Variants in ZNF90 observed in about 807,000 individuals in gnomAD.
ZNF90 encodes the protein zinc finger protein 90.
Under a neutral mutation model 12.0 loss-of-function variants are expected in ZNF90, and 11 were observed. That is an observed-to-expected ratio of 0.92 (90% CI 0.58 to 1.52). ZNF90 has a LOEUF of 1.52. Among genes scored for constraint, ZNF90 ranks in the 40% most tolerant of loss-of-function variants. The pLI, the probability that ZNF90 is intolerant of heterozygous loss-of-function variation, is 0.00. For synonymous variants in ZNF90, 232 were observed against 240.1 expected, an observed-to-expected ratio of 0.97 and a Z score of 0.31; for missense variants, 765 against 711.5, an observed-to-expected ratio of 1.08 and a Z score of -0.86.
At chr19:20,108,731 C>CTCTT (rs1555704699) in intron 3 of ZNF90, among the ~76,000 whole-genome samples, 2 of 119,942 alleles carry the variant, frequency 1.7e-5, no homozygotes, top group African/African-American at 6.3e-5. Context: ...GTAGGTTTCT[C>CTCTT]TTTTTTTTTT....
At chr19:20,079,908 G>A (rs1599637301) in intron 1 of ZNF90, 2 of 419,804 alleles carry the variant, frequency 4.8e-6, no homozygotes, top group Non-Finnish European at 4.7e-6. Flanking sequence ...GCTGATTTTG[G>A]CATTCTTTTT....
At chr19:20,100,016 C>T (rs1417110383) in intron 1 of ZNF90, among the ~76,000 whole-genome samples, 8 of 152,136 alleles carry the variant, frequency 5.3e-5, no homozygotes, top group African/African-American at 9.6e-5. Context: ...AACCGCCAAG[C>T]GGATACTGAA....
chr19:20,107,153 T>C (rs1555704581), intron 3 of ZNF90: 4 of 379,732 alleles, frequency 1.1e-5, no homozygotes, highest in Non-Finnish European at 2.1e-5. Flanking sequence ...TGACACTGAG[T>C]CATTGAACCG....
chr19:20,107,007 C>T (rs976816745), intron 3 of ZNF90: 7 of 454,352 alleles, frequency 1.5e-5, no homozygotes, highest in African/African-American at 4.0e-5. Context: ...TTTTTGCAGT[C>T]GGGTCTGCAT....
chr19:20,078,127 C>G lies in ZNF90; in HGVS notation c.-6C>G. ...CCACAGCTGAGGGACCCCCGGAAGC[C>G]TAGAAATGGTGAGAGTGCCTTTCCA... On this transcript the variant is annotated 5_prime_UTR_variant, in exon 1 of 4. Coordinates refer to ENST00000418063, the MANE Select transcript of ZNF90 (RefSeq NM_007138.2). 6.2e-7 allele frequency: 1 copy of G among 1,614,102 alleles called. No individual in the cohort carries two copies. The highest frequency in any genetic ancestry group is 8.5e-7 in the Non-Finnish European group (1 of 1,180,022).
At chr19:20,086,232 CTTT>C (rs59433953) in intron 1 of ZNF90, among the ~76,000 whole-genome samples, 3,540 of 99,802 alleles carry the variant, frequency 0.035, 38 homozygotes, top group African/African-American at 0.084. Flanking sequence ...ATTTTCTTTT[CTTT>C]TTTTTTTTTT....
At chr19:20,109,021 C>A (rs1263455902) in intron 3 of ZNF90, among the ~76,000 whole-genome samples, 1 of 152,162 alleles carries the variant, frequency 6.6e-6, no homozygotes, top group East Asian at 1.9e-4. Context: ...CCGTGCCCGG[C>A]TTCAGTGTAG....
In ZNF90 at chr19:20,106,678, C is replaced by T. The variant is rs184266667; in HGVS notation, c.226+1362C>T. On this transcript the variant is annotated intron_variant, in intron 3 of 3. Coordinates refer to ENST00000418063, the MANE Select transcript of ZNF90 (RefSeq NM_007138.2). Reference sequence around the variant, plus strand: ...CCGTGTTAGCCTGGATGGTCTCGATCTTCTGACCTCGTGATCCACCCGCCT... The same window carrying T: ...CCGTGTTAGCCTGGATGGTCTCGATTTTCTGACCTCGTGATCCACCCGCCT... Among the ~76,000 whole-genome samples, 14 of 152,344 alleles carry T rather than the reference C, an allele frequency of 9.2e-5. No individual in the cohort carries two copies. The East Asian group carries it at 2.5e-3, about 27-fold the overall frequency.
intron 1 of ZNF90, among the ~76,000 whole-genome samples, chr19:20,091,507 G>T (rs2088902725): frequency 6.6e-6 from 1 of 152,186 alleles, no homozygotes; most frequent in Non-Finnish European, 1.5e-5. Context: ...AAGTTTCCGT[G>T]GGGGAGTAGG....
chr19:20,078,043 C>A lies in ZNF90; in HGVS notation c.-90C>A, dbSNP rs371269603. The A allele has an allele frequency of 7.1e-5, 111 of 1,571,158 alleles. No individual in the cohort carries two copies. Among genetic ancestry groups the A allele is most frequent in the Non-Finnish European group, 8.9e-5 (102 of 1,141,164 alleles). On this transcript the variant is annotated 5_prime_UTR_variant, in exon 1 of 4. The change creates a new upstream start codon in the 5' untranslated region. Coordinates refer to ENST00000418063, the MANE Select transcript of ZNF90 (RefSeq NM_007138.2). ...GCTGGTGCTCCAAATCTGGTCTTAGCTGCTTCGTGTCTTCTTCTCCAGCCT... is the reference window on the plus strand; with the variant it reads ...GCTGGTGCTCCAAATCTGGTCTTAGATGCTTCGTGTCTTCTTCTCCAGCCT...
At chr19:20,081,682 C>A (rs2088820467) in intron 1 of ZNF90, among the ~76,000 whole-genome samples, 1 of 152,200 alleles carries the variant, frequency 6.6e-6, no homozygotes, top group Admixed American at 6.5e-5. Context: ...CCCACCTGGG[C>A]CACTATCTGT....
chr19:20,087,423 G>T (rs1174670881), intron 1 of ZNF90: 1 of 152,202 alleles, frequency 6.6e-6, no homozygotes, highest in South Asian at 2.1e-4. Flanking sequence ...ATCTCTATCT[G>T]GACTCATGCT....
At chr19:20,111,344 C>CA (rs1488119782) in intron 3 of ZNF90, among the ~76,000 whole-genome samples, 7 of 152,126 alleles carry the variant, frequency 4.6e-5, no homozygotes, top group African/African-American at 1.7e-4. Context: ...TTCAGCCTTT[C>CA]AAGTAGCTGG....
chr19:20,114,336 T>C (rs1175816645), intron 3 of ZNF90, among the ~76,000 whole-genome samples: 1 of 152,230 alleles, frequency 6.6e-6, no homozygotes, highest in Non-Finnish European at 1.5e-5. Context: ...GACATTGTTA[T>C]GCAACATATC....
intron 1 of ZNF90, among the ~76,000 whole-genome samples, chr19:20,081,514 C>A (rs1407500008): frequency 1.3e-5 from 2 of 152,156 alleles, no homozygotes; most frequent in African/African-American, 4.8e-5. Context: ...TGTTTCTTGC[C>A]AAGAACCCAC....
chr19:20,108,775 A>G (rs2089061617), intron 3 of ZNF90, among the ~76,000 whole-genome samples: 2 of 121,238 alleles, frequency 1.6e-5, no homozygotes, highest in Non-Finnish European at 3.2e-5. Flanking sequence ...TCTGTCATCC[A>G]GGTTAAAGTG....
chr19:20,079,967 C>A, intron 1 of ZNF90: 3 of 302,706 alleles, frequency 9.9e-6, no homozygotes, highest in South Asian at 9.1e-5. Flanking sequence ...TGAAGTTTCT[C>A]TCTTATTGCC....
chr19:20,098,580 C>T (rs1367960701), intron 1 of ZNF90, among the ~76,000 whole-genome samples: 1 of 152,200 alleles, frequency 6.6e-6, no homozygotes, highest in Non-Finnish European at 1.5e-5. Context: ...CAAGAGCTAG[C>T]AAATCAGGAC....
At chr19:20,079,805 C>G in intron 1 of ZNF90, 1 of 273,670 alleles carries the variant, frequency 3.7e-6, no homozygotes, top group Non-Finnish European at 7.5e-6. Context: ...CGGTGGCTCA[C>G]GCCTGTAATC....
Sources: allele counts gnomAD v4.1 joint callset (sites outside exome capture counted in the v4.1 genomes callset), GRCh38; gene constraint gnomAD v4.1.1; transcripts MANE v1.5; gene names NCBI Gene and HGNC (gene_info 2026-07-23, HGNC 2026-07-21).